Variants in PCNX2 observed in about 807,000 individuals in gnomAD.
The protein encoded by PCNX2 is pecanex 2.
Under a neutral mutation model 223.8 loss-of-function variants are expected in PCNX2, and 168 were observed. That is an observed-to-expected ratio of 0.75 (90% CI 0.66 to 0.85). The LOEUF (loss-of-function observed/expected upper bound fraction) is 0.85, where lower values mean the gene tolerates loss of function less well. Ranked by LOEUF, PCNX2 falls within the 40% of genes least tolerant of loss-of-function variation. The pLI, the probability that PCNX2 is intolerant of heterozygous loss-of-function variation, is 0.00. For missense variants in PCNX2, 2,507 were observed against 2,675.5 expected, an observed-to-expected ratio of 0.94 and a Z score of 1.39; for synonymous variants, 1,006 against 1,052.6, an observed-to-expected ratio of 0.96 and a Z score of 0.86.
At chr1:233,319,989 T>C in the PCNX2 span, among the ~76,000 whole-genome samples, 1 of 152,226 alleles carries the variant, frequency 6.6e-6, no homozygotes, top group Admixed American at 6.5e-5. Flanking sequence ...CTTTTATGCC[T>C]GGGTTAATAG....
At chr1:233,284,498 T>C (rs1661345219) in intron 1 of PCNX2, among the ~76,000 whole-genome samples, 1 of 152,164 alleles carries the variant, frequency 6.6e-6, no homozygotes, top group Admixed American at 6.5e-5. Context: ...CTTCCCTAAG[T>C]ACTAATGCCA....
chr1:233,017,229 A>G, intron 26 of PCNX2, 75 bp from the exon 27 acceptor site: 1 of 1,088,256 alleles, frequency 9.2e-7, no homozygotes, highest in Non-Finnish European at 1.3e-6. Context: ...GGAAAGTAAG[A>G]GGCATGAAAT....
intron 1 of PCNX2, among the ~76,000 whole-genome samples, chr1:233,266,685 A>T (rs924511321): frequency 1.3e-5 from 2 of 152,180 alleles, no homozygotes; most frequent in Admixed American, 1.3e-4. Flanking sequence ...CATATTTTTG[A>T]ATAGCCGTTT....
At chr1:233,112,825 GA>G in intron 21 of PCNX2, 1 of 1,264,838 alleles carries the variant, frequency 7.9e-7, no homozygotes. Flanking sequence ...CCCAAATGGG[GA>G]GAAAAAGCTG....
chr1:233,101,220 T>C (rs779317206), intron 21 of PCNX2, among the ~76,000 whole-genome samples: 1 of 152,084 alleles, frequency 6.6e-6, no homozygotes. Flanking sequence ...GGTGGTGATA[T>C]GGGGAAAAGA....
At position 233,071,033 on chromosome 1, in the gene PCNX2, C is replaced by A. The variant is rs577882827; in HGVS notation, c.4077-13743G>T. 3.8e-3 allele frequency among the ~76,000 whole-genome samples: 575 copies of A among 151,964 alleles called. 4 individuals carry two copies. The highest frequency in any genetic ancestry group is 0.014 in the African/African-American group (560 of 41,434). Reference sequence around the variant, plus strand: ...CCTGGGCGACAGAGCAAGACTCCGTCACAAAAAATAAAAATAAAAAAATAA... The same window carrying A: ...CCTGGGCGACAGAGCAAGACTCCGTAACAAAAAATAAAAATAAAAAAATAA... On this transcript the variant is annotated intron_variant, in intron 23 of 33. Transcript: ENST00000258229.
chr1:233,087,235 C>G lies in PCNX2; in HGVS notation c.4076+2826G>C, dbSNP rs78767799. The G allele has an allele frequency of 2.5e-3, 2,467 of 983,630 alleles. 38 individuals carry two copies. The African/African-American group carries it at 0.036, about 14-fold the overall frequency. 60.9% of individuals were successfully genotyped at this position (983,630 alleles called of 1,614,324 possible). On this transcript the variant is annotated intron_variant, in intron 23 of 33. Coordinates refer to ENST00000258229, the MANE Select transcript of PCNX2 (RefSeq NM_014801.4). Reference sequence around the variant, plus strand: ...GCTTTAAAAGATCTGCAATAAAAACCAAGGGACTGGAAAGTGAGGGAGCAG... The same window carrying G: ...GCTTTAAAAGATCTGCAATAAAAACGAAGGGACTGGAAAGTGAGGGAGCAG...
intron 32 of PCNX2, among the ~76,000 whole-genome samples, chr1:232,998,041 G>A (rs781398836): frequency 2.0e-5 from 3 of 152,196 alleles, no homozygotes; most frequent in Non-Finnish European, 4.4e-5. Flanking sequence ...CCAAGGTCAT[G>A]GACAGATGGA....
chr1:233,137,088 A>G (rs1178856036), intron 20 of PCNX2, among the ~76,000 whole-genome samples: 1 of 152,254 alleles, frequency 6.6e-6, no homozygotes, highest in East Asian at 1.9e-4. Flanking sequence ...AGGTCCTCAA[A>G]TAACGTTGCT....
chr1:233,210,148 T>G (rs921370748), intron 12 of PCNX2, among the ~76,000 whole-genome samples: 2 of 152,206 alleles, frequency 1.3e-5, no homozygotes, highest in Non-Finnish European at 2.9e-5. Flanking sequence ...ATTTGTAATT[T>G]ATGAAACAAA....
At chr1:233,207,549 AG>A (rs1260529803) in intron 13 of PCNX2, among the ~76,000 whole-genome samples, 1 of 152,238 alleles carries the variant, frequency 6.6e-6, no homozygotes, top group African/African-American at 2.4e-5. Context: ...GGACAACAAC[AG>A]CTGATGCTTG....
At chr1:233,042,510 G>T (rs1007727651) in intron 25 of PCNX2, among the ~76,000 whole-genome samples, 1 of 152,174 alleles carries the variant, frequency 6.6e-6, no homozygotes, top group Admixed American at 6.5e-5. Context: ...TCTAGCCATG[G>T]TATATCTCCC....
At chr1:233,247,157 T>G (rs1437428784) in intron 8 of PCNX2, among the ~76,000 whole-genome samples, 2 of 152,226 alleles carry the variant, frequency 1.3e-5, no homozygotes, top group Non-Finnish European at 2.9e-5. Flanking sequence ...GAGCACGAAT[T>G]AAACAGATGG....
At chr1:233,099,903 A>G (rs1236187213) in intron 21 of PCNX2, among the ~76,000 whole-genome samples, 2 of 152,210 alleles carry the variant, frequency 1.3e-5, no homozygotes, top group African/African-American at 2.4e-5. Flanking sequence ...TTTAAATAGA[A>G]ATCTCATTTA....
chr1:233,018,196 AG>A (rs1394419158), intron 26 of PCNX2, among the ~76,000 whole-genome samples: 1 of 150,344 alleles, frequency 6.7e-6, no homozygotes, highest in Non-Finnish European at 1.5e-5. Flanking sequence ...CTAATATTTT[AG>A]TTTTTTTTTT....
At chr1:233,089,883 C>A in intron 23 of PCNX2, 178 bp downstream of exon 23, 47 of 1,386,336 alleles carry the variant, frequency 3.4e-5, no homozygotes, top group Non-Finnish European at 4.4e-5. Flanking sequence ...CTTTCCAGAT[C>A]CCTGAGACCC....
At chr1:233,021,561 A>C (rs1670891293) in intron 26 of PCNX2, among the ~76,000 whole-genome samples, 1 of 152,192 alleles carries the variant, frequency 6.6e-6, no homozygotes, top group Non-Finnish European at 1.5e-5. Flanking sequence ...TGGGTAGGAC[A>C]TGGGAATGTG....
intron 26 of PCNX2, among the ~76,000 whole-genome samples, chr1:233,022,368 G>C (rs942466290): frequency 6.6e-6 from 1 of 152,212 alleles, no homozygotes; most frequent in Admixed American, 6.5e-5. Flanking sequence ...TCTCTGTTTA[G>C]GGAACTGCCA....
At chr1:233,151,093 C>T (rs1285706383) in intron 19 of PCNX2, among the ~76,000 whole-genome samples, 1 of 152,124 alleles carries the variant, frequency 6.6e-6, no homozygotes, top group East Asian at 1.9e-4. Context: ...CCTCAACGCC[C>T]AGAACAGTGT....
Sources: gnomAD v4.1 joint callset for allele counts (sites outside exome capture counted in the v4.1 genomes callset) on GRCh38, gnomAD v4.1.1 for gene constraint, MANE v1.5 for transcripts, NCBI Gene and HGNC (gene_info 2026-07-23, HGNC 2026-07-21) for gene names.